Variants in GSK3B observed in about 807,000 individuals in gnomAD.
GSK3B encodes the protein glycogen synthase kinase 3 beta.
A neutral mutation model predicts 56.4 loss-of-function variants in GSK3B; 15 were observed. The ratio of observed to expected loss-of-function variants is 0.27; its 90% CI spans 0.18 to 0.41. The LOEUF (loss-of-function observed/expected upper bound fraction) is 0.41, where lower values mean the gene tolerates loss of function less well. Ranked by LOEUF, GSK3B falls within the 10% of genes least tolerant of loss-of-function variation. The pLI is 1.00. For missense variants in GSK3B, 300 were observed against 513.4 expected, an observed-to-expected ratio of 0.58 and a Z score of 4.02; for synonymous variants, 181 against 188.9, an observed-to-expected ratio of 0.96 and a Z score of 0.34.
chr3:120,000,094 T>C (rs943644393), intron 2 of GSK3B, among the ~76,000 whole-genome samples: 7 of 152,068 alleles, frequency 4.6e-5, no homozygotes, highest in Middle Eastern at 3.4e-3. Context: ...ACTAGAATAG[T>C]AGTGAAGAGA....
chr3:119,890,027 C>T (rs2056484534), intron 7 of GSK3B, among the ~76,000 whole-genome samples: 1 of 151,988 alleles, frequency 6.6e-6, no homozygotes, highest in Non-Finnish European at 1.5e-5. Context: ...ATGTGAAGCA[C>T]TGGAATTCTG....
chr3:120,069,017 A>G (rs1319029224), intron 1 of GSK3B, among the ~76,000 whole-genome samples: 1 of 152,160 alleles, frequency 6.6e-6, no homozygotes, highest in Admixed American at 6.5e-5. Flanking sequence ...GGGTAACAAG[A>G]AAGGAAGGAA....
chr3:119,904,666 A>G (rs1004188448), intron 7 of GSK3B, among the ~76,000 whole-genome samples: 3 of 152,204 alleles, frequency 2.0e-5, no homozygotes, highest in African/African-American at 7.2e-5. Context: ...AGCTCAGTAC[A>G]ATAAAAACTA....
At chr3:119,896,904 C>G (rs1165203853) in intron 7 of GSK3B, among the ~76,000 whole-genome samples, 11 of 152,096 alleles carry the variant, frequency 7.2e-5, no homozygotes, top group Non-Finnish European at 7.4e-5. Flanking sequence ...CAAAATAACT[C>G]AAAAGGCAAC....
chr3:119,915,328 T>C (rs1470825404), intron 5 of GSK3B, among the ~76,000 whole-genome samples: 3 of 152,060 alleles, frequency 2.0e-5, no homozygotes, highest in South Asian at 2.1e-4. Flanking sequence ...TACACAGGAA[T>C]GTATAATAAT....
intron 4 of GSK3B, among the ~76,000 whole-genome samples, chr3:119,918,197 G>A (rs922643664): frequency 4.1e-4 from 62 of 152,146 alleles, no homozygotes; most frequent in Non-Finnish European, 4.7e-4. Flanking sequence ...GAGGCCGGGC[G>A]CGGTGGCTCA....
chr3:119,968,587 A>G (rs974447077), intron 2 of GSK3B, among the ~76,000 whole-genome samples: 2 of 152,240 alleles, frequency 1.3e-5, no homozygotes, highest in African/African-American at 2.4e-5. Context: ...AGCATTTGGT[A>G]AAATTCAAAT....
chr3:119,951,417 T>C (rs1007824852), intron 2 of GSK3B, among the ~76,000 whole-genome samples: 1 of 151,938 alleles, frequency 6.6e-6, no homozygotes, highest in African/African-American at 2.4e-5. Context: ...ACTAAAAATA[T>C]AAAATTAGCC....
At chr3:120,007,947 T>A (rs1269687283) in intron 1 of GSK3B, among the ~76,000 whole-genome samples, 1 of 152,138 alleles carries the variant, frequency 6.6e-6, no homozygotes, top group African/African-American at 2.4e-5. Context: ...GCATAAAGCA[T>A]ATTCAAATAG....
chr3:119,892,019 T>C (rs1422653042), intron 7 of GSK3B, among the ~76,000 whole-genome samples: 1 of 152,128 alleles, frequency 6.6e-6, no homozygotes, highest in Non-Finnish European at 1.5e-5. Flanking sequence ...AATTACTGTC[T>C]TCAAAGAAGT....
At chr3:119,895,762 T>A (rs1323189716) in intron 7 of GSK3B, among the ~76,000 whole-genome samples, 5 of 152,138 alleles carry the variant, frequency 3.3e-5, no homozygotes, top group African/African-American at 4.8e-5. Context: ...ACTTAATTGA[T>A]CTGTATGGCT....
rs568640778 is a variant in GSK3B at position 120,018,327 on chromosome 3, A to G, written c.89-16088T>C. On this transcript the variant is annotated intron_variant, in intron 1 of 10. Coordinates refer to ENST00000264235, the MANE Select transcript of GSK3B (RefSeq NM_001146156.2). ...AGTATTCACAGGGTGTAAAACCCACATATACAGAGGGCCAACTTTCTACAT... is the reference window on the plus strand; with the variant it reads ...AGTATTCACAGGGTGTAAAACCCACGTATACAGAGGGCCAACTTTCTACAT... 1.1e-4 allele frequency among the ~76,000 whole-genome samples: 16 copies of G among 152,344 alleles called. No homozygotes were observed. In the East Asian group the frequency reaches 1.2e-3, roughly 11 times the overall value.
chr3:119,922,234 G>C (rs2056849642), intron 4 of GSK3B, among the ~76,000 whole-genome samples: 1 of 112,030 alleles, frequency 8.9e-6, no homozygotes, highest in Non-Finnish European at 1.8e-5. Context: ...AGGAGGGAAG[G>C]AAGGAAGGAA....
chr3:119,974,753 T>C (rs770656635), intron 2 of GSK3B, among the ~76,000 whole-genome samples: 2 of 152,158 alleles, frequency 1.3e-5, no homozygotes, highest in African/African-American at 2.4e-5. Context: ...CATCAGGGAA[T>C]TGCAAATTAA....
intron 2 of GSK3B, among the ~76,000 whole-genome samples, chr3:119,967,828 TTCTCTTTC>T (rs1299544417): frequency 8.3e-5 from 8 of 96,014 alleles, no homozygotes; most frequent in African/African-American, 2.9e-4. Flanking sequence ...CTTTCTCTCT[TTCTCTTTC>T]TCTCTCTCTC....
chr3:120,077,288 G>A (rs189607959), intron 1 of GSK3B, among the ~76,000 whole-genome samples: 19 of 152,252 alleles, frequency 1.2e-4, no homozygotes, highest in African/African-American at 3.8e-4. Flanking sequence ...ATCAATGGAC[G>A]AATGGTTAAA....
chr3:119,856,105 C>T (rs891780675), intron 9 of GSK3B, among the ~76,000 whole-genome samples: 10 of 152,048 alleles, frequency 6.6e-5, no homozygotes, highest in Non-Finnish European at 1.3e-4. Context: ...CTTTATCTTT[C>T]TGGAGTCAAT....
At chr3:119,903,256 A>G (rs2056643116) in intron 7 of GSK3B, among the ~76,000 whole-genome samples, 1 of 152,164 alleles carries the variant, frequency 6.6e-6, no homozygotes, top group Admixed American at 6.5e-5. Flanking sequence ...GCACCTAGAA[A>G]CCAGATATCC....
Position 120,093,630 on chromosome 3 carries a change from A to G in GSK3B, c.-196T>C. On this transcript the variant is annotated 5_prime_UTR_variant, in exon 1 of 11. It removes the in-frame stop codon of an upstream open reading frame in the 5' UTR. Transcript: ENST00000264235. ...AAAACAAGCGATATATTTCTCCTTC[A>G]AGACAGATCGGCACGGATATTTAAC... 1 of 494,724 alleles carries G rather than the reference A, an allele frequency of 2.0e-6. No homozygotes were observed. Among genetic ancestry groups the G allele is most frequent in the Non-Finnish European group, 3.7e-6 (1 of 273,290 alleles). The allele number at this position is 494,724 out of a possible 1,614,324, so 30.6% of individuals were successfully genotyped here.
Sources: allele counts gnomAD v4.1 joint callset (sites outside exome capture counted in the v4.1 genomes callset), GRCh38; gene constraint gnomAD v4.1.1; transcripts MANE v1.5; gene names NCBI Gene and HGNC (gene_info 2026-07-23, HGNC 2026-07-21).